Variants in WAC observed in about 807,000 individuals in gnomAD.
WAC encodes the protein WW domain containing adaptor with coiled-coil, also known as WW domain-containing adapter protein with coiled-coil.
Under a neutral mutation model 79.6 loss-of-function variants are expected in WAC, and 11 were observed. The observed-to-expected ratio is 0.14, with a 90% confidence interval of 0.09 to 0.23. The LOEUF (loss-of-function observed/expected upper bound fraction) is 0.23. Among genes scored for constraint, WAC ranks in the 10% least tolerant of loss-of-function variants. The pLI, the probability that WAC is intolerant of heterozygous loss-of-function variation, is 1.00. For missense variants in WAC, 728 were observed against 773.5 expected (o/e 0.94, Z 0.70); for synonymous variants, 304 against 276.9 (o/e 1.10, Z -0.97).
At chr10:28,579,450 T>C (rs1839419581) in intron 3 of WAC, among the ~76,000 whole-genome samples, 1 of 152,210 alleles carries the variant, frequency 6.6e-6, no homozygotes, top group African/African-American at 2.4e-5. Context: ...GTTCAAGTTT[T>C]ATGCGTGGAT....
intron 7 of WAC, among the ~76,000 whole-genome samples, chr10:28,604,124 C>T (rs983406562): frequency 1.3e-5 from 2 of 150,326 alleles, no homozygotes; most frequent in African/African-American, 4.9e-5. Flanking sequence ...TTAAATTTGT[C>T]TCTACATAGT....
intron 2 of WAC, among the ~76,000 whole-genome samples, chr10:28,534,613 A>AG (rs1284102739): frequency 6.6e-6 from 1 of 152,214 alleles, no homozygotes; most frequent in Non-Finnish European, 1.5e-5. Context: ...GGTTCTAGGT[A>AG]GGTGGGTTCC....
chr10:28,563,829 T>C (rs1397323197), intron 3 of WAC, among the ~76,000 whole-genome samples: 1 of 148,330 alleles, frequency 6.7e-6, no homozygotes, highest in Non-Finnish European at 1.5e-5. Context: ...CGTGATCTCC[T>C]GACCTCGTGA....
chr10:28,599,196 CT>C (rs1298249385), intron 7 of WAC, among the ~76,000 whole-genome samples: 2 of 152,050 alleles, frequency 1.3e-5, no homozygotes, highest in East Asian at 3.9e-4. Context: ...AGTGATTTTA[CT>C]TGTTTAGGTT....
At chr10:28,615,958 G>A in intron 11 of WAC, 1 of 431,452 alleles carries the variant, frequency 2.3e-6, no homozygotes, top group East Asian at 3.5e-5. Flanking sequence ...ATTTGACTCT[G>A]ACAGTAGTGT....
intron 13 of WAC, among the ~76,000 whole-genome samples, 164 bp from the exon 14 acceptor site, chr10:28,619,371 CTT>C (rs1423498748): frequency 1.3e-5 from 2 of 152,158 alleles, no homozygotes; most frequent in African/African-American, 2.4e-5. Context: ...TAAATGTTTA[CTT>C]TGTCTTAACT....
At chr10:28,534,113 C>T in intron 2 of WAC, 79 bp downstream of exon 2, 1 of 1,415,126 alleles carries the variant, frequency 7.1e-7, no homozygotes, top group Non-Finnish European at 9.5e-7. Flanking sequence ...GCGCAGGCCT[C>T]AGAAGTCGAT....
chr10:28,607,405 A>G (rs1841012723), intron 7 of WAC, among the ~76,000 whole-genome samples: 1 of 152,188 alleles, frequency 6.6e-6, no homozygotes, highest in Non-Finnish European at 1.5e-5. Flanking sequence ...AATAGTATTA[A>G]CAGTGCTCTT....
chr10:28,590,853 T>G (rs749268462), intron 6 of WAC, 21 bp downstream of exon 6: 50 of 1,562,822 alleles, frequency 3.2e-5, no homozygotes, highest in Non-Finnish European at 4.4e-5. Flanking sequence ...ATTTTTTTTC[T>G]TTGAAATGTA....
chr10:28,577,482 T>TG (rs1346446420), intron 3 of WAC, among the ~76,000 whole-genome samples: 27 of 152,242 alleles, frequency 1.8e-4, no homozygotes, highest in African/African-American at 6.5e-4. Flanking sequence ...TATGCAGTTT[T>TG]GCAGAATTCA....
chr10:28,546,043 A>G (rs1431235191), intron 3 of WAC, among the ~76,000 whole-genome samples: 2 of 152,180 alleles, frequency 1.3e-5, no homozygotes, highest in Non-Finnish European at 2.9e-5. Flanking sequence ...TCTTAGGAGT[A>G]TTTGCATTTT....
intron 6 of WAC, among the ~76,000 whole-genome samples, chr10:28,595,071 A>G (rs143092657): frequency 1.3e-5 from 2 of 152,280 alleles, no homozygotes; most frequent in African/African-American, 2.4e-5. Context: ...TTGGACTTCT[A>G]TTTTCAGATA....
At chr10:28,549,170 A>G (rs1837530209) in intron 3 of WAC, among the ~76,000 whole-genome samples, 1 of 152,174 alleles carries the variant, frequency 6.6e-6, no homozygotes, top group Non-Finnish European at 1.5e-5. Flanking sequence ...AAGTGCTGGG[A>G]TAATGGGTGT....
chr10:28,555,611 A>AG (rs1483169925), intron 3 of WAC, among the ~76,000 whole-genome samples: 6 of 152,294 alleles, frequency 3.9e-5, no homozygotes, highest in African/African-American at 1.4e-4. Flanking sequence ...TACAGTGGTG[A>AG]GGGGGATTTG....
chr10:28,607,471 CA>C lies in WAC; in HGVS notation c.920-712del, dbSNP rs572686539. Among the ~76,000 whole-genome samples the C allele has an allele frequency of 2.4e-3, 359 of 152,254 alleles. 7 individuals are homozygous for C. Among genetic ancestry groups the C allele is most frequent in the Non-Finnish European group, 1.5e-3 (105 of 67,994 alleles). ...TATAAATAATTGAAACAACAGCTTTCAAATAATTTTCCATGCGTATTTTATA... is the reference window on the plus strand; with the variant it reads ...TATAAATAATTGAAACAACAGCTTTCAATAATTTTCCATGCGTATTTTATA... On this transcript the variant is annotated intron_variant, in intron 7 of 13. Coordinates refer to ENST00000354911, the MANE Select transcript of WAC (RefSeq NM_016628.5).
intron 7 of WAC, among the ~76,000 whole-genome samples, chr10:28,607,007 T>C (rs964511380): frequency 6.6e-6 from 1 of 152,210 alleles, no homozygotes; most frequent in Admixed American, 6.5e-5. Flanking sequence ...TTTTACATTG[T>C]CCTGATTCTG....
Position 28,595,750 on chromosome 10 carries a change from A to G in WAC, c.628A>G (p.Ser210Gly), listed in dbSNP as rs200285394. The change falls in exon 7 of 14, where the codon AGT becomes GGT. Residue 210 changes from serine (S) to glycine (G), a missense_variant. Physicochemically the swap from Ser to Gly is moderately conservative, Grantham distance 56. This residue lies in a region of WAC where 648 missense variants were observed against 661.5 expected (regional missense o/e 0.98). Coordinates refer to ENST00000354911, the MANE Select transcript of WAC (RefSeq NM_016628.5). ...AACTAAAGTGGAAGACAAGCATTCC[A>G]GTGATGCCAGTAGTTTGCTCCCACA... ...FASGMEDKHSSDASSLLPQNI... is the reference protein window; with the variant it reads ...FASGMEDKHSGDASSLLPQNI... 1.9e-6 allele frequency: 3 copies of G among 1,613,348 alleles called. No individual in the cohort carries two copies. The highest frequency in any genetic ancestry group is 2.5e-6 in the Non-Finnish European group (3 of 1,179,406).
intron 3 of WAC, among the ~76,000 whole-genome samples, chr10:28,576,979 A>G (rs959662247): frequency 1.5e-4 from 23 of 152,272 alleles, no homozygotes; most frequent in African/African-American, 3.6e-4. Context: ...GAAAATCCCA[A>G]TTCCTACTAG....
chr10:28,570,056 T>G (rs1204862573), intron 3 of WAC, among the ~76,000 whole-genome samples: 1 of 152,206 alleles, frequency 6.6e-6, no homozygotes, highest in African/African-American at 2.4e-5. Context: ...TGTGAGCACA[T>G]GTCTCAGCTG....
Sources: allele counts gnomAD v4.1 joint callset (sites outside exome capture counted in the v4.1 genomes callset), GRCh38; gene constraint gnomAD v4.1.1; regional missense constraint gnomAD v4.1.1; transcripts MANE v1.5; gene names NCBI Gene and HGNC (gene_info 2026-07-23, HGNC 2026-07-21).